SHANK2: variants seen among roughly 807,000 people sequenced by gnomAD.
SHANK2 encodes the protein SH3 and multiple ankyrin repeat domains protein 2.
Under a neutral mutation model 133.7 loss-of-function variants are expected in SHANK2, and 43 were observed. The observed-to-expected ratio is 0.32, with a 90% CI of 0.25 to 0.41. The LOEUF (loss-of-function observed/expected upper bound fraction) is 0.41. SHANK2 is among the 10% of genes least tolerant of loss of function. The probability of loss-of-function intolerance (pLI) is 1.00; values close to 1 mark genes in which losing one functional copy is unlikely to be tolerated. For missense variants in SHANK2, 1,994 were observed against 2,235.8 expected (o/e 0.89, Z 2.18); for synonymous variants, 1,017 against 952.8 (o/e 1.07, Z -1.24).
At chr11:71,144,452 C>G (rs782643831) in intron 3 of SHANK2, among the ~76,000 whole-genome samples, 3 of 152,120 alleles carry the variant, frequency 2.0e-5, no homozygotes, top group Non-Finnish European at 4.4e-5. Flanking sequence ...AGGGAATGGT[C>G]CAGCTATCTA....
chr11:71,252,881 G>T (rs1266147074), upstream of SHANK2, among the ~76,000 whole-genome samples: 2 of 152,214 alleles, frequency 1.3e-5, no homozygotes, highest in African/African-American at 4.8e-5. This position sits in a 1 kb window ranked among gnomAD's most constrained non-coding sequence, Gnocchi z 6.3. Flanking sequence ...GCCGGCGGAC[G>T]AGAAAGTCCC....
intron 10 of SHANK2, among the ~76,000 whole-genome samples, chr11:70,907,129 C>G (rs1460451444): frequency 6.6e-6 from 1 of 152,236 alleles, no homozygotes; most frequent in Non-Finnish European, 1.5e-5. Context: ...CCAGAGGAAG[C>G]AGCTGGGGAC....
chr11:70,514,047 G>A (rs1554969630), intron 17 of SHANK2, among the ~76,000 whole-genome samples: 1 of 152,086 alleles, frequency 6.6e-6, no homozygotes, highest in African/African-American at 2.4e-5. Context: ...AAAAAGATAA[G>A]TATTTAAAAA....
intron 15 of SHANK2, among the ~76,000 whole-genome samples, chr11:70,673,192 C>G (rs1944847226): frequency 6.6e-6 from 1 of 152,070 alleles, no homozygotes; most frequent in South Asian, 2.1e-4. Context: ...AAGGTCCAGG[C>G]AGCCTGCAGC....
chr11:71,213,583 G>A (rs530930648), intron 2 of SHANK2, among the ~76,000 whole-genome samples: 1 of 152,128 alleles, frequency 6.6e-6, no homozygotes, highest in Admixed American at 6.5e-5. Context: ...GCCATGTGGG[G>A]CATTAGACCT....
intron 17 of SHANK2, among the ~76,000 whole-genome samples, chr11:70,538,837 G>T (rs1285045541): frequency 2.6e-5 from 4 of 152,322 alleles, no homozygotes; most frequent in African/African-American, 9.6e-5. Context: ...GGAGGGCTGA[G>T]TGTTGGGGGC....
Position 70,485,167 on chromosome 11 carries a change from A to G in SHANK2, c.4979+147T>C. On this transcript the variant is annotated intron_variant, in intron 25 of 25. Transcript: ENST00000601538. The surrounding 1 kb of genome is among the most constrained non-coding windows in gnomAD (Gnocchi z 5.8). ...GGAGTCCAGGAGCATGAGAAAAAGA[A>G]GTGTTACTGCATTAACAGACGTGGC... The G allele has an allele frequency of 1.5e-6, 1 of 676,738 alleles. No homozygotes were observed. Among genetic ancestry groups the G allele is most frequent in the East Asian group, 2.7e-5 (1 of 37,154 alleles). The allele number at this position is 676,738 out of a possible 1,614,324, so 41.9% of individuals were successfully genotyped here. A position where few individuals can be genotyped will look rare whatever the true frequency, so the allele number is the denominator to read the frequency against.
At chr11:70,914,211 C>G (rs1367306220) in intron 10 of SHANK2, among the ~76,000 whole-genome samples, 5 of 152,100 alleles carry the variant, frequency 3.3e-5, no homozygotes, top group Non-Finnish European at 5.9e-5. Flanking sequence ...GGAAATCGGG[C>G]TCTGGGGCTC....
intron 17 of SHANK2, among the ~76,000 whole-genome samples, chr11:70,555,157 G>A (rs2136101258): frequency 6.6e-6 from 1 of 152,200 alleles, no homozygotes; most frequent in Admixed American, 6.5e-5. Flanking sequence ...AATATTGTGT[G>A]TTCTGACTGC....
At chr11:70,678,818 G>A (rs530443645) in intron 15 of SHANK2, among the ~76,000 whole-genome samples, 1 of 152,316 alleles carries the variant, frequency 6.6e-6, no homozygotes, top group Non-Finnish European at 1.5e-5. Context: ...TAGGATTACA[G>A]GCATGACCCA....
At chr11:70,641,283 T>C (rs1031104433) in intron 17 of SHANK2, among the ~76,000 whole-genome samples, 10 of 152,144 alleles carry the variant, frequency 6.6e-5, no homozygotes, top group South Asian at 2.1e-4. Flanking sequence ...TTAGTAGAGA[T>C]GGGGTTTCAC....
At chr11:70,711,232 G>A (rs1945775138) in intron 14 of SHANK2, among the ~76,000 whole-genome samples, 1 of 152,190 alleles carries the variant, frequency 6.6e-6, no homozygotes, top group Non-Finnish European at 1.5e-5. Flanking sequence ...AGTCCGCTCT[G>A]GCCACCCTTC....
At position 71,118,923 on chromosome 11, in the gene SHANK2, G is replaced by C. The variant is rs545370532; in HGVS notation, c.317C>G (p.Pro106Arg). The C allele has an allele frequency of 6.4e-7, 1 of 1,551,740 alleles. No homozygotes were observed. The highest frequency in any genetic ancestry group is 2.4e-5 in the East Asian group (1 of 40,918). Reference sequence around the variant, plus strand: ...CTTGCCGTCACGCCCATTGCTGGCCGGCTGGAACAGGCCGTAGTTCAGGAC... The same window carrying C: ...CTTGCCGTCACGCCCATTGCTGGCCCGCTGGAACAGGCCGTAGTTCAGGAC... ...KDVLNYGLFQ[P>R]ASNGRDGKFL... Residue 106 changes from proline (P) to arginine (R), a missense_variant, in exon 4 of 26, where the codon CCG (proline) becomes CGG (arginine). This residue lies in a region of SHANK2 where 653 missense variants were observed against 563.4 expected (regional missense o/e 1.16). Transcript: ENST00000601538.
chr11:70,809,222 C>T (rs895576368), intron 12 of SHANK2, among the ~76,000 whole-genome samples: 9 of 152,218 alleles, frequency 5.9e-5, no homozygotes, highest in African/African-American at 1.7e-4. Flanking sequence ...TCCAACAGGG[C>T]GCCTGGCTGC....
intron 14 of SHANK2, among the ~76,000 whole-genome samples, chr11:70,736,324 T>C (rs979028369): frequency 6.6e-6 from 1 of 152,180 alleles, no homozygotes; most frequent in African/African-American, 2.4e-5. Flanking sequence ...AAGATGTGAC[T>C]GTACCCTAGC....
intron 2 of SHANK2, among the ~76,000 whole-genome samples, chr11:71,178,697 A>G (rs1476142172): frequency 6.6e-6 from 1 of 152,246 alleles, no homozygotes; most frequent in Non-Finnish European, 1.5e-5. Context: ...ACTTAGTATT[A>G]ATTTGGCCAG....
At chr11:70,952,251 A>T (rs531345014) in intron 10 of SHANK2, among the ~76,000 whole-genome samples, 39 of 152,314 alleles carry the variant, frequency 2.6e-4, no homozygotes, top group African/African-American at 9.4e-4. Context: ...CTCCTGGCCG[A>T]GGTCTTGTGC....
chr11:71,074,427 C>T (rs1449958709), intron 9 of SHANK2, among the ~76,000 whole-genome samples: 2 of 152,190 alleles, frequency 1.3e-5, no homozygotes, highest in African/African-American at 4.8e-5. Flanking sequence ...AGGCTGAGTA[C>T]TGTGGGTTAC....
intron 9 of SHANK2, among the ~76,000 whole-genome samples, chr11:71,074,554 G>A (rs1365119390): frequency 6.6e-5 from 10 of 152,176 alleles, no homozygotes; most frequent in African/African-American, 2.2e-4. Flanking sequence ...ATTAACTTAG[G>A]GGCTTTTTAA....
Sources: gnomAD v4.1 joint callset for allele counts (sites outside exome capture counted in the v4.1 genomes callset) on GRCh38, gnomAD v4.1.1 for gene constraint, gnomAD v4.1.1 regional missense constraint, Gnocchi (gnomAD v3.1) non-coding constraint, MANE v1.5 for transcripts, NCBI Gene and HGNC (gene_info 2026-07-23, HGNC 2026-07-21) for gene names.